Variants in PRKACB observed in about 807,000 individuals in gnomAD.
The protein encoded by PRKACB is protein kinase cAMP-activated catalytic subunit beta.
PRKACB carries 16 observed loss-of-function variants against 51.4 expected under a neutral mutation model. The ratio of observed to expected loss-of-function variants is 0.31; its 90% CI spans 0.21 to 0.47. The LOEUF is 0.47. PRKACB is among the 20% of genes least tolerant of loss of function. PRKACB has a pLI of 1.00. For synonymous variants in PRKACB, 147 were observed against 154.4 expected (o/e 0.95, Z 0.35); for missense variants, 309 against 464.5 (o/e 0.67, Z 3.08).
chr1:84,093,064 C>T (rs1209437434), intron 1 of PRKACB, among the ~76,000 whole-genome samples: 1 of 151,958 alleles, frequency 6.6e-6, no homozygotes, highest in Non-Finnish European at 1.5e-5. Context: ...AACGATGTCT[C>T]CTTCATACTG....
At chr1:84,227,515 A>G (rs1674820164) in intron 9 of PRKACB, among the ~76,000 whole-genome samples, 1 of 152,202 alleles carries the variant, frequency 6.6e-6, no homozygotes, top group East Asian at 1.9e-4. Context: ...TCTGCCAAAT[A>G]GCAGTCATTT....
At chr1:84,163,454 A>G (rs1274966740) in intron 1 of PRKACB, among the ~76,000 whole-genome samples, 2 of 151,988 alleles carry the variant, frequency 1.3e-5, no homozygotes, top group Non-Finnish European at 2.9e-5. Flanking sequence ...CGTTGACAAT[A>G]TCACTAATGA....
intron 1 of PRKACB, among the ~76,000 whole-genome samples, chr1:84,084,347 T>C (rs1557899295): frequency 1.3e-5 from 2 of 152,222 alleles, no homozygotes; most frequent in South Asian, 2.1e-4. Context: ...TGTATAATGA[T>C]AGATGAAACT....
At position 84,202,784 on chromosome 1, in the gene PRKACB, T is replaced by C; in HGVS notation, c.885T>C (p.Tyr295=). 6.2e-7 allele frequency: 1 copy of C among 1,606,402 alleles called. No homozygotes were observed. Among genetic ancestry groups the C allele is most frequent in the Non-Finnish European group, 8.5e-7 (1 of 1,174,190 alleles). ...TTGCAGACCAACCAATTCAGATTTA[T>C]GAAAAGATTGTTTCTGGAAAGGTAA... ...PFFADQPIQI[Y]EKIVSGKVRF... The change falls in exon 8 of 10, where the codon TAT becomes TAC. Residue 295 remains tyrosine (Y), a synonymous_variant. Transcript: ENST00000370685.
At chr1:84,159,255 G>A (rs114172685) in intron 1 of PRKACB, among the ~76,000 whole-genome samples, 1 of 152,120 alleles carries the variant, frequency 6.6e-6, no homozygotes, top group Non-Finnish European at 1.5e-5. Flanking sequence ...ACAATTTTGA[G>A]TCTTGGAATC....
intron 1 of PRKACB, among the ~76,000 whole-genome samples, chr1:84,104,167 T>A (rs544031180): frequency 3.9e-5 from 6 of 152,140 alleles, no homozygotes; most frequent in Non-Finnish European, 1.5e-5. Context: ...ACCACAATTC[T>A]CCTATCTACT....
chr1:84,148,018 C>T (rs757679733), intron 1 of PRKACB, among the ~76,000 whole-genome samples: 3 of 152,110 alleles, frequency 2.0e-5, no homozygotes, highest in Non-Finnish European at 4.4e-5. Context: ...ACTTACTTTA[C>T]TACAGAGAAA....
chr1:84,163,227 A>C (rs1360135509), intron 1 of PRKACB, among the ~76,000 whole-genome samples: 1 of 151,856 alleles, frequency 6.6e-6, no homozygotes, highest in Non-Finnish European at 1.5e-5. Flanking sequence ...TTAACTTTCC[A>C]CTGGGCCCTC....
At position 84,230,591 on chromosome 1, in the gene PRKACB, A is replaced by G. The variant is rs537240118; in HGVS notation, c.1072-4589A>G. Among the ~76,000 whole-genome samples, 15 of 151,750 alleles carry G rather than the reference A, an allele frequency of 9.9e-5. No individual in the cohort carries two copies. In the South Asian group the frequency reaches 3.1e-3, roughly 32 times the overall value. ...ATGGAATGTTCTTCCATTTGTTTGT[A>G]TCTTCTTTTATTTCCTTGAGCAGTG... On this transcript the variant is annotated intron_variant, in intron 9 of 9. Transcript: ENST00000370685.
At chr1:84,176,657 A>G (rs185780508) in intron 1 of PRKACB, among the ~76,000 whole-genome samples, 1 of 151,922 alleles carries the variant, frequency 6.6e-6, no homozygotes, top group African/African-American at 2.4e-5. Context: ...TAATAACATC[A>G]TACTTAGTGC....
intron 7 of PRKACB, among the ~76,000 whole-genome samples, chr1:84,198,226 GGAATGTAT>G (rs1405807641): frequency 6.6e-6 from 1 of 152,074 alleles, no homozygotes; most frequent in Non-Finnish European, 1.5e-5. Flanking sequence ...TTAAATAAAA[GGAATGTAT>G]GAGAAGTGTT....
At chr1:84,112,504 T>C (rs1386916848) in intron 1 of PRKACB, among the ~76,000 whole-genome samples, 1 of 152,154 alleles carries the variant, frequency 6.6e-6, no homozygotes, top group Non-Finnish European at 1.5e-5. Context: ...CCCAAAGTGC[T>C]AGGATTACAG....
rs77846314 is a variant in PRKACB, at chr1:84,124,032, T to G, written c.46+45661T>G. Reference sequence around the variant, plus strand: ...CTAATAAAGGGCCTTTATTTCTGTCTGTGACTCATCTTTTAGATACCTAAA... The same window carrying G: ...CTAATAAAGGGCCTTTATTTCTGTCGGTGACTCATCTTTTAGATACCTAAA... On this transcript the variant is annotated intron_variant, in intron 1 of 8. Transcript: ENST00000370688. Among the ~76,000 whole-genome samples, 73 of 152,286 alleles carry G rather than the reference T, an allele frequency of 4.8e-4. 1 individual carries two copies. Among genetic ancestry groups the G allele is most frequent in the Non-Finnish European group, 9.6e-4 (65 of 67,998 alleles).
chr1:84,134,926 C>G (rs1652642152), intron 1 of PRKACB, among the ~76,000 whole-genome samples: 1 of 152,028 alleles, frequency 6.6e-6, no homozygotes, highest in African/African-American at 2.4e-5. Flanking sequence ...TAAACAGTTT[C>G]CTTTAGATCA....
Position 84,179,593 on chromosome 1 carries a change from A to C in PRKACB, c.249+355A>C, listed in dbSNP as rs148873812. ...AATAAGAGTCCTTACGTACAGTTTA[A>C]AATTCTCAGTCATAGAGAATTTGGC... On this transcript the variant is annotated intron_variant, in intron 2 of 9. Coordinates refer to ENST00000370685, the MANE Select transcript of PRKACB (RefSeq NM_182948.4). Among the ~76,000 whole-genome samples, 83 of 152,024 alleles carry C rather than the reference A, an allele frequency of 5.5e-4. 2 individuals are homozygous for C. In the East Asian group the frequency reaches 0.012, roughly 22 times the overall value.
intron 5 of PRKACB, among the ~76,000 whole-genome samples, chr1:84,186,393 A>G (rs1665120204): frequency 6.6e-6 from 1 of 151,542 alleles, no homozygotes; most frequent in Non-Finnish European, 1.5e-5. Flanking sequence ...TAATTTTTCT[A>G]TTTTTGGTAG....
At chr1:84,137,436 A>G (rs1363938948) in intron 1 of PRKACB, among the ~76,000 whole-genome samples, 1 of 152,218 alleles carries the variant, frequency 6.6e-6, no homozygotes, top group East Asian at 1.9e-4. Context: ...TATTGGATAC[A>G]TGGCATTATG....
rs1324548227 is a variant in PRKACB at position 84,179,160 on chromosome 1, T to C, written c.188-17T>C. ...TATTCTTACAAGATAAATTTGTTTTTATATGTATATTTTCAGTGAAAGAGT... is the reference window on the plus strand; with the variant it reads ...TATTCTTACAAGATAAATTTGTTTTCATATGTATATTTTCAGTGAAAGAGT... On this transcript the variant is annotated splice_polypyrimidine_tract_variant and intron_variant, in intron 1 of 9. Transcript: ENST00000370685. The C allele has an allele frequency of 6.3e-7, 1 of 1,575,824 alleles. No homozygotes were observed. Among genetic ancestry groups the C allele is most frequent in the African/African-American group, 1.4e-5 (1 of 73,224 alleles).
intron 1 of PRKACB, among the ~76,000 whole-genome samples, chr1:84,132,377 G>T (rs369205062): frequency 5.3e-5 from 8 of 152,078 alleles, no homozygotes; most frequent in African/African-American, 1.7e-4. Flanking sequence ...GACATCTATA[G>T]CAAACATTAA....
Sources: allele counts gnomAD v4.1 joint callset (sites outside exome capture counted in the v4.1 genomes callset), GRCh38; gene constraint gnomAD v4.1.1; transcripts MANE v1.5; gene names NCBI Gene and HGNC (gene_info 2026-07-23, HGNC 2026-07-21).